ATP13A4: variants seen among roughly 807,000 people sequenced by gnomAD.
ATP13A4 encodes the protein ATPase 13A4, also known as probable cation-transporting ATPase 13A4.
A neutral mutation model predicts 142.5 loss-of-function variants in ATP13A4; 114 were observed. That is an observed-to-expected ratio of 0.80 (90% confidence interval 0.69 to 0.93). ATP13A4 has a LOEUF of 0.93. Ranked by LOEUF, ATP13A4 falls within the 40% of genes least tolerant of loss-of-function variation. ATP13A4 has a pLI of 0.00. For missense variants in ATP13A4, 1,392 were observed against 1,454.0 expected, an observed-to-expected ratio of 0.96 and a Z score of 0.69; for synonymous variants, 488 against 514.8, an observed-to-expected ratio of 0.95 and a Z score of 0.70.
At chr3:193,540,914 A>G (rs1397243057) in intron 1 of ATP13A4, among the ~76,000 whole-genome samples, 1 of 152,174 alleles carries the variant, frequency 6.6e-6, no homozygotes, top group East Asian at 1.9e-4. Flanking sequence ...AATTTTCTAT[A>G]TTTTATACAT....
intron 1 of ATP13A4, among the ~76,000 whole-genome samples, chr3:193,539,003 A>G (rs1294054738): frequency 6.9e-6 from 1 of 145,472 alleles, no homozygotes; most frequent in African/African-American, 2.6e-5. Flanking sequence ...TCTCCCTAGT[A>G]GCTGGGATTA....
At chr3:193,480,115 A>G (rs376214251) in intron 8 of ATP13A4, among the ~76,000 whole-genome samples, 87 of 152,318 alleles carry the variant, frequency 5.7e-4, no homozygotes, top group African/African-American at 2.0e-3. Context: ...AATCAACTCA[A>G]GATGGATCAA....
chr3:193,418,256 C>T (rs1272829973), intron 25 of ATP13A4, among the ~76,000 whole-genome samples: 2 of 140,346 alleles, frequency 1.4e-5, no homozygotes, highest in African/African-American at 2.7e-5. Context: ...GGGCCAGAGC[C>T]TGCAGTGAGC....
At position 193,470,920 on chromosome 3, in the gene ATP13A4, T is replaced by TA. The variant is rs1194961147; in HGVS notation, c.881dup (p.Met295AsnfsTer4). On this transcript the variant is annotated frameshift_variant, in exon 9 of 30. Transcript: ENST00000342695. LOFTEE classifies it high-confidence loss of function. The stretch of plus-strand genomic sequence containing the variant: ...CAATCAGAACGGCATCACATGGCAT[T>TA]AGCACTTTGTTCCCTGTCAAAATTA... 1.2e-6 allele frequency: 2 copies of TA among 1,614,054 alleles called. No homozygotes were observed. Among genetic ancestry groups the TA allele is most frequent in the Admixed American group, 3.3e-5 (2 of 60,006 alleles).
upstream of ATP13A4, among the ~76,000 whole-genome samples, chr3:193,557,320 T>C (rs79257013): frequency 0.024 from 3,620 of 152,344 alleles, 49 homozygotes; most frequent in East Asian, 0.032. Flanking sequence ...GGGAGTTCTA[T>C]TGGTAAAACA....
chr3:193,519,278 C>T (rs1304185392), intron 1 of ATP13A4, among the ~76,000 whole-genome samples: 2 of 152,136 alleles, frequency 1.3e-5, no homozygotes, highest in Non-Finnish European at 2.9e-5. Flanking sequence ...GTAATGGTTG[C>T]AATGCAGCCC....
At chr3:193,568,511 G>A (rs1468755868) in intron 2 of ATP13A4, among the ~76,000 whole-genome samples, 4 of 152,346 alleles carry the variant, frequency 2.6e-5, no homozygotes, top group African/African-American at 9.6e-5. Flanking sequence ...GAGAGCATGT[G>A]CGAGGCTGTG....
chr3:193,407,164 G>T (rs1056713852), intron 29 of ATP13A4, 149 bp downstream of exon 29: 7 of 685,848 alleles, frequency 1.0e-5, no homozygotes, highest in African/African-American at 1.8e-5. Context: ...TCAGAGGAAG[G>T]CACCATTGCT....
intron 27 of ATP13A4, 62 bp from the exon 28 acceptor site, chr3:193,411,132 T>A: frequency 9.4e-7 from 1 of 1,060,512 alleles, no homozygotes; most frequent in South Asian, 1.3e-5. Context: ...GTCACATATA[T>A]TGACGGATGT....
At position 193,470,867 on chromosome 3, in the gene ATP13A4, A is replaced by T; in HGVS notation, c.935T>A (p.Met312Lys). Reference sequence around the variant, plus strand: ...TGGAGATGGAACTGTACCTGTCAGCATGCCTTCATCCACCACACAGCTGCC... The same window carrying T: ...TGGAGATGGAACTGTACCTGTCAGCTTGCCTTCATCCACCACACAGCTGCC... Reference protein sequence around the residue: ...IEGSCVVDEGMLTGESIPVTK... With the variant: ...IEGSCVVDEGKLTGESIPVTK... The change falls in exon 9 of 30, where the codon ATG becomes AAG. Residue 312 changes from methionine to lysine, a missense_variant. Transcript: ENST00000342695. 1 of 1,614,118 alleles carries T rather than the reference A, an allele frequency of 6.2e-7. No individual in the cohort carries two copies. Among genetic ancestry groups the T allele is most frequent in the Non-Finnish European group, 8.5e-7 (1 of 1,180,032 alleles).
rs1054761329 is a variant in ATP13A4, at chr3:193,573,418, C to T, written n.291+8289G>A. On this transcript the variant is annotated intron_variant and non_coding_transcript_variant, in intron 2 of 3. Coordinates refer to the ATP13A4 transcript ENST00000489140. ...CAGCCTTATCTCAGCCCTTCACCATCTGGTGACAAATGACTCTCTGGAGCA... is the reference window on the plus strand; with the variant it reads ...CAGCCTTATCTCAGCCCTTCACCATTTGGTGACAAATGACTCTCTGGAGCA... Among the ~76,000 whole-genome samples the T allele has an allele frequency of 2.0e-5, 3 of 150,824 alleles. No homozygotes were observed. The South Asian group carries it at 6.3e-4, about 32-fold the overall frequency.
chr3:193,532,064 T>C (rs1482181911), intron 1 of ATP13A4, among the ~76,000 whole-genome samples: 2 of 152,108 alleles, frequency 1.3e-5, no homozygotes, highest in African/African-American at 4.8e-5. Flanking sequence ...ATGGGCACTT[T>C]TTAAAAGCAG....
At chr3:193,583,776 A>G (rs1208443220) in intron 1 of ATP13A4, among the ~76,000 whole-genome samples, 2 of 152,218 alleles carry the variant, frequency 1.3e-5, no homozygotes, top group African/African-American at 2.4e-5. Flanking sequence ...TTTATAATTC[A>G]AGAGTAAATC....
chr3:193,445,137 T>C (rs114550370), intron 18 of ATP13A4, among the ~76,000 whole-genome samples: 1,813 of 152,182 alleles, frequency 0.012, 36 homozygotes, highest in African/African-American at 0.042. Context: ...AAACCTGCTT[T>C]AAAAATAAGG....
intron 25 of ATP13A4, among the ~76,000 whole-genome samples, chr3:193,430,723 A>C (rs1268352285): frequency 6.6e-6 from 1 of 152,164 alleles, no homozygotes; most frequent in Non-Finnish European, 1.5e-5. Context: ...CCAGTACAGC[A>C]GTCACATCAG....
intron 1 of ATP13A4, among the ~76,000 whole-genome samples, chr3:193,517,871 T>C (rs74700144): frequency 0.024 from 3,691 of 152,298 alleles, 145 homozygotes; most frequent in African/African-American, 0.082. Context: ...CAGTTTCTTC[T>C]TTGCCACTCT....
At chr3:193,588,058 A>T (rs1724699839) in intron 1 of ATP13A4, among the ~76,000 whole-genome samples, 1 of 152,168 alleles carries the variant, frequency 6.6e-6, no homozygotes, top group Non-Finnish European at 1.5e-5. Flanking sequence ...ACTTGAGCCC[A>T]GGAGTTCGAG....
At chr3:193,560,464 TC>T (rs1049351230) in intron 2 of ATP13A4, among the ~76,000 whole-genome samples, 4 of 152,150 alleles carry the variant, frequency 2.6e-5, no homozygotes, top group Non-Finnish European at 5.9e-5. Context: ...CACCTCTGTC[TC>T]CCAAAGTGCT....
In ATP13A4 at chr3:193,399,706, G is replaced by A. The variant is rs184535678; in HGVS notation, c.*2946C>T. On this transcript the variant is annotated 3_prime_UTR_variant, in exon 30 of 30. Coordinates refer to ENST00000342695, the MANE Select transcript of ATP13A4 (RefSeq NM_032279.4). The stretch of plus-strand genomic sequence containing the variant: ...TACTAAAAATACAAAAAATTAGCCG[G>A]GCATGGTGGCAGACCTGTAGTCCCA... 3.9e-4 allele frequency among the ~76,000 whole-genome samples: 60 copies of A among 152,008 alleles called. No homozygotes were observed. Among genetic ancestry groups the A allele is most frequent in the African/African-American group, 1.4e-3 (58 of 41,492 alleles).
Sources: allele counts gnomAD v4.1 joint callset (sites outside exome capture counted in the v4.1 genomes callset), GRCh38; gene constraint gnomAD v4.1.1; transcripts MANE v1.5; gene names NCBI Gene and HGNC (gene_info 2026-07-23, HGNC 2026-07-21).